The following BDNF variants were observed in gnomAD, a reference collection of about 807,000 sequenced individuals.
The protein encoded by BDNF is brain derived neurotrophic factor.
BDNF carries 1 observed loss-of-function variant against 19.5 expected under a neutral mutation model. That is an observed-to-expected ratio of 0.05 (90% CI 0.02 to 0.24). The LOEUF is 0.24. Among genes scored for constraint, BDNF ranks in the 10% least tolerant of loss-of-function variants. BDNF has a pLI of 1.00. For synonymous variants in BDNF, 100 were observed against 121.6 expected, an observed-to-expected ratio of 0.82 and a Z score of 1.17; for missense variants, 195 against 317.6, an observed-to-expected ratio of 0.61 and a Z score of 2.93.
chr11:27,665,829 C>T (rs1353238417), intron 1 of BDNF, among the ~76,000 whole-genome samples: 1 of 152,198 alleles, frequency 6.6e-6, no homozygotes, highest in Non-Finnish European at 1.5e-5. Context: ...TCTGTAGACT[C>T]CACCTCTAGG....
chr11:27,720,676 G>A, intron 1 of BDNF: 1 of 985,474 alleles, frequency 1.0e-6, no homozygotes, highest in Non-Finnish European at 1.2e-6. Context: ...CAAATCCGTT[G>A]GCTCTGTCCA....
At chr11:27,677,771 T>C (rs898709838) in intron 1 of BDNF, 6 of 152,244 alleles carry the variant, frequency 3.9e-5, no homozygotes, top group Non-Finnish European at 7.3e-5. Flanking sequence ...AACTGTCAAA[T>C]AATTAAATTA....
exon 1 of BDNF, chr11:27,721,625 C>T (rs1860740755): frequency 1.6e-6 from 1 of 620,746 alleles, no homozygotes; most frequent in East Asian, 2.7e-5. Context: ...CTACAGAAGA[C>T]AAAGCAACTG....
chr11:27,721,456 C>T, exon 1 of BDNF: 1 of 1,612,292 alleles, frequency 6.2e-7, no homozygotes, highest in Non-Finnish European at 8.5e-7. Flanking sequence ...CTTAAAATCT[C>T]GTCTCCCCAA....
intron 1 of BDNF, chr11:27,660,366 A>T (rs2133803854): frequency 2.3e-6 from 1 of 441,354 alleles, no homozygotes; most frequent in Admixed American, 4.5e-5. Context: ...ATGTTCTCAG[A>T]TTAGGAAGGG....
chr11:27,684,450 G>A (rs997705657), intron 1 of BDNF, among the ~76,000 whole-genome samples: 1 of 152,170 alleles, frequency 6.6e-6, no homozygotes, highest in African/African-American at 2.4e-5. Context: ...GAATAGGAGT[G>A]GTGACAGAGG....
intron 1 of BDNF, among the ~76,000 whole-genome samples, chr11:27,698,644 G>A (rs1859478280): frequency 6.6e-6 from 1 of 152,036 alleles, no homozygotes; most frequent in African/African-American, 2.4e-5. Flanking sequence ...CAGTAGGGAG[G>A]GGTCTCATTT....
intron 1 of BDNF, among the ~76,000 whole-genome samples, chr11:27,693,427 T>A (rs1858562180): frequency 6.6e-6 from 1 of 152,218 alleles, no homozygotes; most frequent in Non-Finnish European, 1.5e-5. Flanking sequence ...GTATTTTACA[T>A]TTAAGTAAAT....
chr11:27,657,020 C>T lies in BDNF; in HGVS notation c.*801G>A. 1 of 985,466 alleles carries T rather than the reference C, an allele frequency of 1.0e-6. No homozygotes were observed. Among genetic ancestry groups the T allele is most frequent in the Non-Finnish European group, 1.2e-6 (1 of 829,954 alleles). The allele number at this position is 985,466 out of a possible 1,614,324, so 61.0% of individuals were successfully genotyped here. On this transcript the variant is annotated 3_prime_UTR_variant, in exon 2 of 2. Coordinates refer to ENST00000356660, the MANE Select transcript of BDNF (RefSeq NM_001709.5). The surrounding 1 kb of genome is among the most constrained non-coding windows in gnomAD (Gnocchi z 5.0). ...TTCCGTCAAAAGCAGCTTACTCTGA[C>T]CAACGCCCAAAGAATGAGCGGGGCC...
intron 1 of BDNF, among the ~76,000 whole-genome samples, chr11:27,661,836 C>T (rs1348589455): frequency 1.3e-5 from 2 of 152,122 alleles, no homozygotes; most frequent in African/African-American, 2.4e-5. Context: ...CTGACAAACT[C>T]CTCTCTCCCT....
chr11:27,669,344 C>T (rs1260988323), intron 1 of BDNF, among the ~76,000 whole-genome samples: 4 of 152,186 alleles, frequency 2.6e-5, no homozygotes, highest in African/African-American at 9.7e-5. Context: ...TGAAAACTGG[C>T]ACAAAACAAG....
chr11:27,697,946 TATATC>T (rs1193790617), intron 1 of BDNF: 1 of 152,182 alleles, frequency 6.6e-6, no homozygotes, highest in Non-Finnish European at 1.5e-5. Context: ...TCTTTCTGCT[TATATC>T]ATTTATAAAT....
chr11:27,692,356 C>T (rs1283598918), intron 1 of BDNF, among the ~76,000 whole-genome samples: 2 of 152,100 alleles, frequency 1.3e-5, no homozygotes, highest in Non-Finnish European at 2.9e-5. Context: ...TCCCTTCCTT[C>T]CCTCCAACGG....
At chr11:27,697,114 T>TCC (rs1418588099) in intron 1 of BDNF, among the ~76,000 whole-genome samples, 3 of 148,328 alleles carry the variant, frequency 2.0e-5, no homozygotes, top group East Asian at 2.0e-4. Context: ...TCTCTCTCTC[T>TCC]CCCCCTCTAC....
chr11:27,720,949 AC>A (rs924078787), intron 1 of BDNF, among the ~76,000 whole-genome samples: 1 of 41,480 alleles, frequency 2.4e-5, no homozygotes, highest in Admixed American at 2.4e-4. Flanking sequence ...CCCCAACCCC[AC>A]CCCCCATCTA....
chr11:27,703,399 C>A (rs896722774), upstream of BDNF, among the ~76,000 whole-genome samples: 2 of 152,196 alleles, frequency 1.3e-5, no homozygotes, highest in Non-Finnish European at 2.9e-5. Flanking sequence ...AAAATGAGTT[C>A]TACCCTCAGG....
At chr11:27,695,811 A>G (rs988753885) in intron 1 of BDNF, among the ~76,000 whole-genome samples, 2 of 151,544 alleles carry the variant, frequency 1.3e-5, no homozygotes, top group African/African-American at 4.8e-5. Context: ...CAGGGCAATG[A>G]GCCACTTCTT....
At chr11:27,686,284 G>A (rs4378341) in intron 1 of BDNF, among the ~76,000 whole-genome samples, 72,493 of 151,784 alleles carry the variant, frequency 0.48, 17,522 homozygotes, top group Admixed American at 0.54. Flanking sequence ...TTCAGCCTAT[G>A]TGTGTCTTTG....
At chr11:27,701,636 G>C, upstream of BDNF, 1 of 986,316 alleles carries the variant, frequency 1.0e-6, no homozygotes, top group Non-Finnish European at 1.2e-6. Context: ...AAGTGGGTGG[G>C]AGTCCACGAG....
Sources: allele counts gnomAD v4.1 joint callset (sites outside exome capture counted in the v4.1 genomes callset), GRCh38; gene constraint gnomAD v4.1.1; non-coding constraint Gnocchi (gnomAD v3.1); transcripts MANE v1.5; gene names NCBI Gene and HGNC (gene_info 2026-07-23, HGNC 2026-07-21).